Variants in OGFOD3 observed in about 807,000 individuals in gnomAD.
OGFOD3 encodes the protein 2-oxoglutarate and iron-dependent oxygenase domain-containing protein 3.
Under a neutral mutation model 39.8 loss-of-function variants are expected in OGFOD3, and 35 were observed. The ratio of observed to expected loss-of-function variants is 0.88; its 90% CI spans 0.67 to 1.17. The LOEUF is 1.17. OGFOD3 is among the 50% of genes most tolerant of loss of function. OGFOD3 has a pLI of 0.00. For synonymous variants in OGFOD3, 200 were observed against 192.0 expected, an observed-to-expected ratio of 1.04 and a Z score of -0.34; for missense variants, 438 against 454.5, an observed-to-expected ratio of 0.96 and a Z score of 0.33.
intron 8 of OGFOD3, among the ~76,000 whole-genome samples, chr17:82,394,067 G>C (rs538716447): frequency 1.3e-5 from 2 of 149,472 alleles, no homozygotes; most frequent in African/African-American, 4.9e-5. Flanking sequence ...TTGGCTCACT[G>C]CAAGCTCTGC....
intron 8 of OGFOD3, among the ~76,000 whole-genome samples, 199 bp downstream of exon 8, chr17:82,397,997 G>A (rs1297406307): frequency 6.6e-6 from 1 of 152,036 alleles, no homozygotes; most frequent in Non-Finnish European, 1.5e-5. Flanking sequence ...GACTGACGGT[G>A]ACCTCAGACA....
intron 8 of OGFOD3, among the ~76,000 whole-genome samples, chr17:82,395,429 T>C (rs903566018): frequency 2.6e-5 from 4 of 152,236 alleles, no homozygotes; most frequent in African/African-American, 7.2e-5. Flanking sequence ...AGTGAGTCAC[T>C]GGACCTAAAG....
intron 8 of OGFOD3, among the ~76,000 whole-genome samples, chr17:82,395,015 T>A (rs541919606): frequency 6.6e-6 from 1 of 152,342 alleles, no homozygotes. Context: ...CTCCCCTTGC[T>A]GGATTGTTTT....
At chr17:82,401,818 A>AC (rs1042231552) in intron 7 of OGFOD3, among the ~76,000 whole-genome samples, 1 of 149,832 alleles carries the variant, frequency 6.7e-6, no homozygotes, top group Non-Finnish European at 1.5e-5. Context: ...AAAAAAAAAA[A>AC]AAAAACAAAG....
chr17:82,395,480 C>G (rs114397392), intron 8 of OGFOD3, among the ~76,000 whole-genome samples: 1 of 152,214 alleles, frequency 6.6e-6, no homozygotes, highest in Non-Finnish European at 1.5e-5. Flanking sequence ...CTGCCTTCCT[C>G]GATAAAGTTG....
chr17:82,403,557 G>A (rs957006456), intron 7 of OGFOD3, among the ~76,000 whole-genome samples: 9 of 152,260 alleles, frequency 5.9e-5, no homozygotes, highest in African/African-American at 1.9e-4. Flanking sequence ...GCCTGAACCC[G>A]GGAGGCAGAG....
At chr17:82,393,940 C>T (rs1455680948) in intron 8 of OGFOD3, 1 of 152,220 alleles carries the variant, frequency 6.6e-6, no homozygotes, top group Non-Finnish European at 1.5e-5. Flanking sequence ...ACCATCCACA[C>T]TACTGAAGGC....
At position 82,411,545 on chromosome 17, in the gene OGFOD3, C is replaced by G; in HGVS notation, c.305-15G>C. 2.5e-6 allele frequency: 4 copies of G among 1,612,746 alleles called. No individual in the cohort carries two copies. The highest frequency in any genetic ancestry group is 3.4e-6 in the Non-Finnish European group (4 of 1,178,860). ...GGGAGTGCAGCCTGTGAAGGGACAG[C>G]CAGGGTGAGACGCAGTTTCCAAGGC... On this transcript the variant is annotated splice_polypyrimidine_tract_variant and intron_variant, in intron 2 of 8. Coordinates refer to ENST00000313056, the MANE Select transcript of OGFOD3 (RefSeq NM_024648.3).
At chr17:82,411,049 CTTT>C (rs758650372) in intron 3 of OGFOD3, among the ~76,000 whole-genome samples, 2 of 136,162 alleles carry the variant, frequency 1.5e-5, no homozygotes. Flanking sequence ...ATAATAAAAT[CTTT>C]TTTTTTTTTT....
rs1333450087 is a variant in OGFOD3 at position 82,390,328 on chromosome 17, C to G, written c.*2070G>C. ...CCACGGACCCTCTGGAAAGTCAAGA[C>G]TGGGAGAAGCTCAAGGGCGGCCCAG... On this transcript the variant is annotated 3_prime_UTR_variant, in exon 9 of 9. Coordinates refer to ENST00000313056, the MANE Select transcript of OGFOD3 (RefSeq NM_024648.3). This position sits in a 1 kb window ranked among gnomAD's most constrained non-coding sequence, Gnocchi z 4.9. 6.6e-6 allele frequency: 1 copy of G among 152,318 alleles called. No homozygotes were observed. Among genetic ancestry groups the G allele is most frequent in the Admixed American group, 6.5e-5 (1 of 15,280 alleles). The allele number at this position is 152,318 out of a possible 1,614,324, so 9.4% of individuals were successfully genotyped here.
intron 8 of OGFOD3, chr17:82,394,656 G>C: frequency 1.3e-6 from 1 of 745,820 alleles, no homozygotes; most frequent in Admixed American, 3.2e-5. Context: ...CTCCCAGGGG[G>C]GACCTCTGAG....
chr17:82,394,330 C>G (rs371461719), intron 8 of OGFOD3: 1 of 1,535,412 alleles, frequency 6.5e-7, no homozygotes, highest in Non-Finnish European at 8.8e-7. Context: ...TAGATTATCA[C>G]CTGCTTCCTT....
chr17:82,403,813 T>G, intron 7 of OGFOD3, 124 bp downstream of exon 7: 1 of 1,339,538 alleles, frequency 7.5e-7, no homozygotes, highest in Non-Finnish European at 1.0e-6. Context: ...GCACTCACCC[T>G]GCCCACGGGC....
chr17:82,401,588 G>A (rs1599691839), intron 7 of OGFOD3, among the ~76,000 whole-genome samples: 1 of 151,718 alleles, frequency 6.6e-6, no homozygotes, highest in East Asian at 2.0e-4. Context: ...TGGATCACCT[G>A]AGGTCAGGAG....
At chr17:82,405,446 G>T in intron 5 of OGFOD3, 66 bp from the exon 6 acceptor site, 2 of 1,329,990 alleles carry the variant, frequency 1.5e-6, no homozygotes, top group African/African-American at 1.4e-5. Context: ...TCTCCTTTCA[G>T]TTCAGCCATT....
intron 3 of OGFOD3, among the ~76,000 whole-genome samples, chr17:82,410,493 A>G (rs1047877940): frequency 6.6e-6 from 1 of 152,174 alleles, no homozygotes; most frequent in African/African-American, 2.4e-5. Flanking sequence ...GGCTCCCTGG[A>G]GGCAGTTTCA....
At chr17:82,409,551 C>A (rs914287689) in intron 3 of OGFOD3, 141 bp from the exon 4 acceptor site, 35 of 754,462 alleles carry the variant, frequency 4.6e-5, no homozygotes, top group Non-Finnish European at 6.8e-5. Context: ...AATGTTTAGA[C>A]CAAAGGACTC....
In OGFOD3 at chr17:82,401,803, C is replaced by CAAAA. The variant is rs79956747; in HGVS notation, c.699+2130_699+2133dup. 1.3e-3 allele frequency among the ~76,000 whole-genome samples: 78 copies of CAAAA among 61,658 alleles called. 2 individuals carry two copies. The highest frequency in any genetic ancestry group is 2.8e-3 in the African/African-American group (34 of 12,088). The allele number at this position is 61,658 out of a possible 152,430, so 40.5% of individuals were successfully genotyped here. ...TGGGTGGCAGAGCAAGACTCCATCT[C>CAAAA]AAAAAAAAAAAAAAAAAAAACAAAG... On this transcript the variant is annotated intron_variant, in intron 7 of 8. Transcript: ENST00000313056.
At chr17:82,403,892 C>A (rs1293527177) in intron 7 of OGFOD3, 45 bp downstream of exon 7, 3 of 1,563,104 alleles carry the variant, frequency 1.9e-6, no homozygotes, top group Admixed American at 3.6e-5. Context: ...CGGGCACGCT[C>A]ACCTTGTCCA....
Sources: allele counts gnomAD v4.1 joint callset (sites outside exome capture counted in the v4.1 genomes callset), GRCh38; gene constraint gnomAD v4.1.1; non-coding constraint Gnocchi (gnomAD v3.1); transcripts MANE v1.5; gene names NCBI Gene and HGNC (gene_info 2026-07-23, HGNC 2026-07-21).